The following KLF12 variants were observed in gnomAD, a reference collection of about 807,000 sequenced individuals.
The protein encoded by KLF12 is KLF transcription factor 12, also known as Krueppel-like factor 12.
In KLF12, 9 loss-of-function variants were observed where a neutral mutation model predicts 37.8. The observed-to-expected ratio is 0.24, with a 90% CI of 0.14 to 0.42. KLF12 has a LOEUF of 0.42. Ranked by LOEUF, KLF12 falls within the 10% of genes least tolerant of loss-of-function variation. The pLI is 1.00. For missense variants in KLF12, 411 were observed against 516.0 expected, an observed-to-expected ratio of 0.80 and a Z score of 1.97; for synonymous variants, 208 against 202.1, an observed-to-expected ratio of 1.03 and a Z score of -0.25.
intron 3 of KLF12, among the ~76,000 whole-genome samples, chr13:73,923,041 A>G (rs111715302): frequency 2.4e-3 from 369 of 152,324 alleles, no homozygotes; most frequent in African/African-American, 8.1e-3. Context: ...ATCTTTGGAG[A>G]TGTCATTTAA....
At chr13:73,706,867 C>G (rs955218811) in intron 7 of KLF12, among the ~76,000 whole-genome samples, 1 of 152,232 alleles carries the variant, frequency 6.6e-6, no homozygotes, top group Non-Finnish European at 1.5e-5. Context: ...AACAAGCACT[C>G]AAGAGCAGCC....
intron 1 of KLF12, among the ~76,000 whole-genome samples, chr13:74,037,070 G>C (rs1360029126): frequency 6.6e-6 from 1 of 151,984 alleles, no homozygotes; most frequent in African/African-American, 2.4e-5. Flanking sequence ...CAGGCATGGT[G>C]GTGGGCGCCT....
the KLF12 span, among the ~76,000 whole-genome samples, chr13:74,160,697 G>C: frequency 6.6e-6 from 1 of 152,174 alleles, no homozygotes; most frequent in Non-Finnish European, 1.5e-5. Context: ...TCCAGAAAGG[G>C]AAGAAACCTG....
intron 7 of KLF12, among the ~76,000 whole-genome samples, chr13:73,707,952 A>T (rs894404144): frequency 1.3e-5 from 2 of 152,196 alleles, no homozygotes; most frequent in Non-Finnish European, 2.9e-5. Context: ...GCGTGTGTAC[A>T]TATGTGTGTG....
In KLF12 at chr13:74,123,444, C is replaced by T. The variant is rs544716559; in HGVS notation, c.-32+10295G>A. Among the ~76,000 whole-genome samples, 8 of 152,330 alleles carry T rather than the reference C, an allele frequency of 5.3e-5. No homozygotes were observed. The South Asian group carries it at 1.7e-3, about 32-fold the overall frequency. On this transcript the variant is annotated intron_variant, in intron 1 of 7. Coordinates refer to ENST00000377669, the MANE Select transcript of KLF12 (RefSeq NM_007249.5). The stretch of plus-strand genomic sequence containing the variant: ...CTATCAGCTTGGGCTTGCCTTTCGG[C>T]TTAGCTATCCTGCTTCTTTCTTGAT...
At position 73,767,950 on chromosome 13, in the gene KLF12, A is replaced by G. The variant is rs150166824; in HGVS notation, c.807-2950T>C. Among the ~76,000 whole-genome samples, 537 of 152,288 alleles carry G rather than the reference A, an allele frequency of 3.5e-3. 1 individual carries two copies. Among genetic ancestry groups the G allele is most frequent in the Non-Finnish European group, 6.3e-3 (429 of 68,008 alleles). ...GTGGGATGCAACATCTTGATTCCCA[A>G]CACAAATCATCAGCACTCATGAATT... On this transcript the variant is annotated intron_variant, in intron 5 of 7. Transcript: ENST00000377669.
the KLF12 span, among the ~76,000 whole-genome samples, chr13:74,265,716 T>A: frequency 3.9e-5 from 6 of 152,178 alleles, no homozygotes; most frequent in Non-Finnish European, 7.3e-5. Context: ...TTTCCCTTCA[T>A]TTCCTGTGTG....
chr13:73,813,828 G>A (rs1161384974), intron 4 of KLF12, among the ~76,000 whole-genome samples: 1 of 152,190 alleles, frequency 6.6e-6, no homozygotes, highest in Non-Finnish European at 1.5e-5. Context: ...ACTACTATAA[G>A]GTGGGATTTG....
chr13:74,193,917 C>T, the KLF12 span, among the ~76,000 whole-genome samples: 1 of 152,140 alleles, frequency 6.6e-6, no homozygotes, highest in Non-Finnish European at 1.5e-5. Context: ...TAGCTTGGTT[C>T]CTCTGCCTTT....
At chr13:73,696,206 A>AG (rs1874137298) in intron 7 of KLF12, among the ~76,000 whole-genome samples, 1 of 152,188 alleles carries the variant, frequency 6.6e-6, no homozygotes. Context: ...GGTATTAAGT[A>AG]CATATTGTTC....
chr13:74,152,278 A>G, the KLF12 span, among the ~76,000 whole-genome samples: 1 of 152,228 alleles, frequency 6.6e-6, no homozygotes, highest in Non-Finnish European at 1.5e-5. Context: ...ATTATTTGTC[A>G]TTCTGGTACA....
chr13:73,757,209 C>G (rs901615196), intron 6 of KLF12, among the ~76,000 whole-genome samples: 1 of 152,136 alleles, frequency 6.6e-6, no homozygotes, highest in African/African-American at 2.4e-5. Flanking sequence ...ATAACAGCCA[C>G]AAGTAGACAG....
intron 1 of KLF12, among the ~76,000 whole-genome samples, chr13:74,037,097 G>C (rs768833005): frequency 4.0e-5 from 6 of 151,608 alleles, no homozygotes; most frequent in African/African-American, 1.5e-4. Flanking sequence ...TCAGCTATTC[G>C]GGAGGCTGAG....
At chr13:74,100,373 A>G (rs1454371366) in intron 1 of KLF12, among the ~76,000 whole-genome samples, 1 of 152,092 alleles carries the variant, frequency 6.6e-6, no homozygotes, top group African/African-American at 2.4e-5. Context: ...ATCCTAGCAC[A>G]CTGGGAGGCC....
intron 7 of KLF12, among the ~76,000 whole-genome samples, chr13:73,704,356 G>T (rs533535170): frequency 6.6e-6 from 1 of 152,166 alleles, no homozygotes; most frequent in Admixed American, 6.5e-5. Flanking sequence ...TCCTCTTCCG[G>T]TTTTTCTGGA....
intron 4 of KLF12, among the ~76,000 whole-genome samples, chr13:73,820,911 T>C (rs1402022719): frequency 6.6e-6 from 1 of 152,194 alleles, no homozygotes; most frequent in Non-Finnish European, 1.5e-5. Flanking sequence ...GCCTCGGGGA[T>C]AGGCAAATTA....
chr13:73,775,199 T>C (rs1461195759), intron 5 of KLF12, among the ~76,000 whole-genome samples: 1 of 152,216 alleles, frequency 6.6e-6, no homozygotes, highest in Non-Finnish European at 1.5e-5. Flanking sequence ...ATTACAGGCA[T>C]GAGCCACTGT....
At chr13:74,302,265 A>G in the KLF12 span, among the ~76,000 whole-genome samples, 2 of 152,176 alleles carry the variant, frequency 1.3e-5, no homozygotes, top group African/African-American at 4.8e-5. Context: ...AAAATAAGTA[A>G]TGCAGCAGAA....
intron 5 of KLF12, among the ~76,000 whole-genome samples, chr13:73,807,653 T>C (rs1370072949): frequency 6.6e-6 from 1 of 152,138 alleles, no homozygotes; most frequent in African/African-American, 2.4e-5. Context: ...CAACTGAGCA[T>C]TATAATCAAA....
Sources: allele counts gnomAD v4.1 joint callset (sites outside exome capture counted in the v4.1 genomes callset), GRCh38; gene constraint gnomAD v4.1.1; transcripts MANE v1.5; gene names NCBI Gene and HGNC (gene_info 2026-07-23, HGNC 2026-07-21).